MYCBP2: variants seen among roughly 807,000 people sequenced by gnomAD.
MYCBP2 encodes E3 ubiquitin-protein ligase MYCBP2.
Under a neutral mutation model 525.3 loss-of-function variants are expected in MYCBP2, and 120 were observed. The observed-to-expected ratio is 0.23, with a 90% CI of 0.20 to 0.27. The LOEUF is 0.27. Ranked by LOEUF, MYCBP2 falls within the 10% of genes least tolerant of loss-of-function variation. MYCBP2 has a pLI of 1.00. For missense variants in MYCBP2, 4,149 were observed against 5,657.1 expected (o/e 0.73, Z 8.55); for synonymous variants, 1,894 against 1,955.8 (o/e 0.97, Z 0.83).
rs373272453 is a variant in MYCBP2 at position 77,169,598 on chromosome 13, G to T, written c.5895+16C>A. On this transcript the variant is annotated intron_variant, in intron 39 of 82. Coordinates refer to ENST00000544440, the MANE Select transcript of MYCBP2 (RefSeq NM_015057.5). ...TTTAAAAAAAACATTCAAAGTTATA[G>T]AATTAAATTACACACCTTGGGAATA... The T allele has an allele frequency of 8.8e-6, 14 of 1,582,120 alleles. No homozygotes were observed. The highest frequency in any genetic ancestry group is 1.2e-5 in the Non-Finnish European group (14 of 1,152,558).
At chr13:77,125,200 A>G (rs1008632583) in intron 54 of MYCBP2, 136 bp downstream of exon 54, 13 of 1,114,572 alleles carry the variant, frequency 1.2e-5, no homozygotes, top group African/African-American at 4.7e-5. Context: ...CAGTTGCAAG[A>G]TTTTTTAACT....
chr13:77,106,531 C>G (rs1302857096), intron 55 of MYCBP2, among the ~76,000 whole-genome samples: 1 of 151,992 alleles, frequency 6.6e-6, no homozygotes, highest in African/African-American at 2.4e-5. Flanking sequence ...TGAGATAATA[C>G]AGATAAAAAA....
chr13:77,152,994 A>G (rs2056710847), intron 46 of MYCBP2, among the ~76,000 whole-genome samples: 1 of 149,624 alleles, frequency 6.7e-6, no homozygotes, highest in South Asian at 2.1e-4. Context: ...GAACCCAGGA[A>G]GCGGAGCTTG....
chr13:77,314,769 T>C (rs141648704), intron 1 of MYCBP2, among the ~76,000 whole-genome samples: 72 of 152,208 alleles, frequency 4.7e-4, no homozygotes, highest in African/African-American at 1.7e-3. Context: ...TTGAGAGTGA[T>C]TATGATGTGT....
At chr13:77,184,227 T>C (rs2060523306) in intron 32 of MYCBP2, among the ~76,000 whole-genome samples, 1 of 152,266 alleles carries the variant, frequency 6.6e-6, no homozygotes, top group Non-Finnish European at 1.5e-5. Context: ...ATTTCCTTTA[T>C]AACTTCTTCT....
Position 77,162,849 on chromosome 13 carries a change from G to A in MYCBP2, c.6548-894C>T, listed in dbSNP as rs567036541. Among the ~76,000 whole-genome samples the A allele has an allele frequency of 6.6e-4, 100 of 152,202 alleles. 1 individual carries two copies. The highest frequency in any genetic ancestry group is 6.8e-3 in the Middle Eastern group (2 of 294). On this transcript the variant is annotated intron_variant, in intron 43 of 82. Coordinates refer to ENST00000544440, the MANE Select transcript of MYCBP2 (RefSeq NM_015057.5). ...TTTTTGTATTTTTAGTAGAGACGGG[G>A]TTTCACTGTGTTAGCCAGGATGGTC...
intron 30 of MYCBP2, among the ~76,000 whole-genome samples, chr13:77,188,702 T>C (rs963806963): frequency 1.3e-5 from 2 of 152,188 alleles, no homozygotes; most frequent in Non-Finnish European, 2.9e-5. Context: ...GAAAAGCAAA[T>C]CGTTATTTGT....
chr13:77,194,250 G>A lies in MYCBP2; in HGVS notation c.3844-6C>T. 6.3e-7 allele frequency: 1 copy of A among 1,594,130 alleles called. No homozygotes were observed. Among genetic ancestry groups the A allele is most frequent in the Admixed American group, 1.7e-5 (1 of 59,946 alleles). On this transcript the variant is annotated splice_polypyrimidine_tract_variant and splice_region_variant and intron_variant, in intron 26 of 82. Transcript: ENST00000544440. Reference sequence around the variant, plus strand: ...TCAGGACCCAATTCAAACAGCTAAGGAAAGGAGAAAGACAATCATTTATAT... The same window carrying A: ...TCAGGACCCAATTCAAACAGCTAAGAAAAGGAGAAAGACAATCATTTATAT...
intron 1 of MYCBP2, among the ~76,000 whole-genome samples, chr13:77,299,445 T>C (rs2078540120): frequency 6.6e-6 from 1 of 152,164 alleles, no homozygotes; most frequent in Non-Finnish European, 1.5e-5. Flanking sequence ...GTGTTTTTTG[T>C]TGTTGTTGTT....
At chr13:77,078,234 T>C (rs1350804482) in intron 66 of MYCBP2, among the ~76,000 whole-genome samples, 1 of 152,200 alleles carries the variant, frequency 6.6e-6, no homozygotes, top group South Asian at 2.1e-4. Context: ...TTCAATGTGA[T>C]TTGAAAACAA....
At chr13:77,139,489 GAA>G (rs916011073) in intron 51 of MYCBP2, among the ~76,000 whole-genome samples, 153 bp from the exon 52 acceptor site, 2 of 150,680 alleles carry the variant, frequency 1.3e-5, no homozygotes, top group African/African-American at 4.9e-5. Context: ...ACCCTCCAGG[GAA>G]AAAAAAAGCA....
intron 48 of MYCBP2, 92 bp downstream of exon 48, chr13:77,146,070 T>C: frequency 1.3e-6 from 1 of 778,160 alleles, no homozygotes; most frequent in Non-Finnish European, 2.0e-6. Flanking sequence ...AAGTATTTAT[T>C]TATAGAAAAT....
intron 52 of MYCBP2, among the ~76,000 whole-genome samples, chr13:77,135,383 A>G (rs949130299): frequency 6.6e-6 from 1 of 152,248 alleles, no homozygotes; most frequent in Admixed American, 6.5e-5. Flanking sequence ...AGGCAGCAAG[A>G]TGCAACTATT....
chr13:77,186,737 G>A (rs2060757557), intron 30 of MYCBP2, among the ~76,000 whole-genome samples: 1 of 151,432 alleles, frequency 6.6e-6, no homozygotes, highest in African/African-American at 2.4e-5. Flanking sequence ...GAATCTCAAA[G>A]CAGAGCACTT....
intron 52 of MYCBP2, among the ~76,000 whole-genome samples, chr13:77,137,246 T>A (rs2053896589): frequency 1.3e-5 from 2 of 152,156 alleles, no homozygotes; most frequent in South Asian, 2.1e-4. Flanking sequence ...TAAAATAAAA[T>A]CGTGGGATTC....
At chr13:77,151,262 A>C (rs907062128) in intron 46 of MYCBP2, among the ~76,000 whole-genome samples, 2 of 152,228 alleles carry the variant, frequency 1.3e-5, no homozygotes, top group African/African-American at 2.4e-5. Flanking sequence ...ATCTACATTA[A>C]GTTATTGCAG....
chr13:77,269,007 C>T (rs574499603), intron 7 of MYCBP2, among the ~76,000 whole-genome samples: 5 of 152,252 alleles, frequency 3.3e-5, no homozygotes, highest in African/African-American at 1.2e-4. Flanking sequence ...CAGGTAGGTA[C>T]TGTATGGAAA....
chr13:77,200,649 C>T (rs12428482), intron 26 of MYCBP2, among the ~76,000 whole-genome samples: 9,172 of 152,110 alleles, frequency 0.06, 456 homozygotes, highest in East Asian at 0.17. Flanking sequence ...AGAGAAAGGT[C>T]GGGTTACCCT....
At chr13:77,237,387 A>G (rs2068078783) in intron 17 of MYCBP2, among the ~76,000 whole-genome samples, 1 of 152,180 alleles carries the variant, frequency 6.6e-6, no homozygotes, top group African/African-American at 2.4e-5. Context: ...TAATAGAGTA[A>G]GATATTAGAC....
Sources: allele counts gnomAD v4.1 joint callset (sites outside exome capture counted in the v4.1 genomes callset), GRCh38; gene constraint gnomAD v4.1.1; transcripts MANE v1.5; gene names NCBI Gene and HGNC (gene_info 2026-07-23, HGNC 2026-07-21).